Variants in PARVB observed in about 807,000 individuals in gnomAD.
PARVB encodes the protein beta-parvin.
Under a neutral mutation model 47.0 loss-of-function variants are expected in PARVB, and 46 were observed. That is an observed-to-expected ratio of 0.98 (90% CI 0.77 to 1.25). The LOEUF (loss-of-function observed/expected upper bound fraction) is 1.25, where lower values mean the gene tolerates loss of function less well. PARVB is among the 50% of genes most tolerant of loss of function. PARVB has a pLI of 0.00. For synonymous variants in PARVB, 196 were observed against 196.3 expected, an observed-to-expected ratio of 1.00 and a Z score of 0.01; for missense variants, 473 against 471.6, an observed-to-expected ratio of 1.00 and a Z score of -0.03.
At chr22:44,100,540 C>G (rs1485574064) in intron 3 of PARVB, among the ~76,000 whole-genome samples, 1 of 152,142 alleles carries the variant, frequency 6.6e-6, no homozygotes, top group Non-Finnish European at 1.5e-5. Flanking sequence ...TGGCCAGGAG[C>G]CATCTGATGC....
intron 1 of PARVB, among the ~76,000 whole-genome samples, chr22:44,041,425 G>C (rs1453047029): frequency 6.6e-6 from 1 of 152,124 alleles, no homozygotes; most frequent in Non-Finnish European, 1.5e-5. Flanking sequence ...CCGGGAGGTG[G>C]AGGTTGCAGT....
At chr22:44,094,637 G>A (rs1434182213) in intron 2 of PARVB, among the ~76,000 whole-genome samples, 1 of 151,800 alleles carries the variant, frequency 6.6e-6, no homozygotes, top group African/African-American at 2.4e-5. Flanking sequence ...CTACAGGCAT[G>A]TGCCACCCCG....
intron 1 of PARVB, among the ~76,000 whole-genome samples, chr22:44,092,507 T>C (rs1418444765): frequency 1.3e-5 from 2 of 151,996 alleles, no homozygotes; most frequent in Admixed American, 1.3e-4. Flanking sequence ...CGGCCTTTGC[T>C]GACATGAGAG....
At chr22:44,058,648 G>T (rs1313729834) in intron 1 of PARVB, among the ~76,000 whole-genome samples, 1 of 140,214 alleles carries the variant, frequency 7.1e-6, no homozygotes, top group African/African-American at 2.7e-5. Context: ...TCCTCCTCCC[G>T]AGTTCAAGCG....
At position 44,094,035 on chromosome 22, in the gene PARVB, C is replaced by T; in HGVS notation, c.202+18C>T. 6.8e-7 allele frequency: 1 copy of T among 1,477,284 alleles called. No homozygotes were observed. The highest frequency in any genetic ancestry group is 9.4e-7 in the Non-Finnish European group (1 of 1,060,774). The allele number at this position is 1,477,284 out of a possible 1,614,324, so 91.5% of individuals were successfully genotyped here. On this transcript the variant is annotated intron_variant, in intron 2 of 12. Transcript: ENST00000338758. ...CCAGCTTGGTACGGGGGTTCCTCCG[C>T]TCCCTGCCCTGAGACAGTTGAGCTT...
In PARVB at chr22:44,161,821, G is replaced by C. The variant is rs559720512; in HGVS notation, c.946-2037G>C. On this transcript the variant is annotated intron_variant, in intron 11 of 12. Transcript: ENST00000338758. ...GAACTGCGTTCTGCACCCTCCGCACGGGCCGTCCTCACTCCTCCCCCATTG... is the reference window on the plus strand; with the variant it reads ...GAACTGCGTTCTGCACCCTCCGCACCGGCCGTCCTCACTCCTCCCCCATTG... 3.6e-3 allele frequency among the ~76,000 whole-genome samples: 551 copies of C among 151,160 alleles called. 3 individuals are homozygous for C. Among genetic ancestry groups the C allele is most frequent in the African/African-American group, 0.013 (522 of 40,482 alleles).
In PARVB at chr22:44,169,150, C is replaced by T. The variant is rs954558845; in HGVS notation, c.*472C>T. 5.8e-5 allele frequency: 9 copies of T among 154,742 alleles called. No homozygotes were observed. The highest frequency in any genetic ancestry group is 7.5e-5 in the African/African-American group (3 of 39,894). 9.6% of individuals were successfully genotyped at this position (154,742 alleles called of 1,614,324 possible). A position where few individuals can be genotyped will look rare whatever the true frequency, so the allele number is the denominator to read the frequency against. On this transcript the variant is annotated 3_prime_UTR_variant, in exon 13 of 13. Coordinates refer to ENST00000338758, the MANE Select transcript of PARVB (RefSeq NM_013327.5). ...CGAGGACCCAGGCTTGACGATTCACCGGGGATCTCCTGGGCTGGGCTCTCC... is the reference window on the plus strand; with the variant it reads ...CGAGGACCCAGGCTTGACGATTCACTGGGGATCTCCTGGGCTGGGCTCTCC...
chr22:44,127,674 G>C (rs1321519016), intron 4 of PARVB, among the ~76,000 whole-genome samples: 2 of 152,204 alleles, frequency 1.3e-5, no homozygotes, highest in East Asian at 3.8e-4. Context: ...ATTCAGGAAG[G>C]GTAAAGGAGG....
chr22:44,035,541 T>C (rs2050906379), intron 1 of PARVB, among the ~76,000 whole-genome samples: 1 of 151,830 alleles, frequency 6.6e-6, no homozygotes, highest in South Asian at 2.1e-4. Context: ...CGGCTGATTT[T>C]TTTGTATTTT....
In PARVB at chr22:44,168,811, C is replaced by T. The variant is rs2054231148; in HGVS notation, c.*133C>T. 9.5e-6 allele frequency: 6 copies of T among 631,636 alleles called. No homozygotes were observed. In the East Asian group the frequency reaches 1.7e-4, roughly 17 times the overall value. 39.1% of individuals were successfully genotyped at this position (631,636 alleles called of 1,614,324 possible). A position where few individuals can be genotyped will look rare whatever the true frequency, so the allele number is the denominator to read the frequency against. On this transcript the variant is annotated 3_prime_UTR_variant, in exon 13 of 13. Transcript: ENST00000338758. ...TGTGTTGACTGTCATCCCCACCCCA[C>T]CCCTACCTCACGCCTGCCCCACCCC...
chr22:44,167,192 GC>G (rs1555914232), intron 12 of PARVB, among the ~76,000 whole-genome samples: 1 of 152,232 alleles, frequency 6.6e-6, no homozygotes, highest in Non-Finnish European at 1.5e-5. Context: ...TCTTAAGGAG[GC>G]CCCTTGCCTG....
At chr22:44,160,241 A>G (rs2054023308) in intron 11 of PARVB, among the ~76,000 whole-genome samples, 1 of 151,996 alleles carries the variant, frequency 6.6e-6, no homozygotes, top group African/African-American at 2.4e-5. Flanking sequence ...CATCCTGGAG[A>G]CGTGGAGATC....
At position 44,130,182 on chromosome 22, in the gene PARVB, C is replaced by G. The variant is rs1416050319; in HGVS notation, c.377-1305C>G. Among the ~76,000 whole-genome samples, 11 of 152,366 alleles carry G rather than the reference C, an allele frequency of 7.2e-5. No individual in the cohort carries two copies. The East Asian group carries it at 2.1e-3, about 29-fold the overall frequency. ...ATGATGGCATGTCAATGCCGCGTCA[C>G]TGACAGCAGCTGTGTATTGAAGGCT... On this transcript the variant is annotated intron_variant, in intron 4 of 12. Coordinates refer to ENST00000338758, the MANE Select transcript of PARVB (RefSeq NM_013327.5).
chr22:44,061,958 G>T (rs1287341160), intron 1 of PARVB, among the ~76,000 whole-genome samples: 2 of 152,144 alleles, frequency 1.3e-5, no homozygotes, highest in Non-Finnish European at 2.9e-5. Flanking sequence ...ATGAATGTAG[G>T]CCAAGAGTAT....
At chr22:44,025,992 G>A (rs531171947) in intron 1 of PARVB, among the ~76,000 whole-genome samples, 18 of 152,364 alleles carry the variant, frequency 1.2e-4, no homozygotes, top group African/African-American at 4.3e-4. Flanking sequence ...ACATAGAACA[G>A]GGCGATCAGA....
intron 1 of PARVB, among the ~76,000 whole-genome samples, chr22:44,030,846 C>G (rs973218200): frequency 6.6e-6 from 1 of 152,096 alleles, no homozygotes; most frequent in Non-Finnish European, 1.5e-5. Context: ...CACGTGACCC[C>G]TCTGATAGCG....
intron 12 of PARVB, 75 bp from the exon 13 acceptor site, chr22:44,168,527 C>T (rs139096): frequency 0.26 from 246,722 of 942,800 alleles, 34,544 homozygotes; most frequent in Admixed American, 0.34. Flanking sequence ...ATGCTGGAGA[C>T]GTGGCTTCTG....
chr22:44,066,804 C>CCTCCTCCTCCTCCCT, intron 1 of PARVB, among the ~76,000 whole-genome samples: 1 of 131,086 alleles, frequency 7.6e-6, no homozygotes, highest in East Asian at 2.7e-4. Context: ...TCCTCCTCCT[C>CCTCCTCCTCCTCCCT]CTCCTCCTCC....
At chr22:44,052,949 CA>C (rs2051238519) in intron 1 of PARVB, among the ~76,000 whole-genome samples, 1 of 151,932 alleles carries the variant, frequency 6.6e-6, no homozygotes. Context: ...TCTCAAAAAA[CA>C]AAACAAAACA....
Sources: allele counts gnomAD v4.1 joint callset (sites outside exome capture counted in the v4.1 genomes callset), GRCh38; gene constraint gnomAD v4.1.1; transcripts MANE v1.5; gene names NCBI Gene and HGNC (gene_info 2026-07-23, HGNC 2026-07-21).